The following LRRFIP2 variants were observed in gnomAD, a reference collection of about 807,000 sequenced individuals.
LRRFIP2 encodes LRR binding FLII interacting protein 2, also known as leucine-rich repeat flightless-interacting protein 2.
Under a neutral mutation model 125.9 loss-of-function variants are expected in LRRFIP2, and 109 were observed. The ratio of observed to expected loss-of-function variants is 0.87; its 90% confidence interval spans 0.74 to 1.01. LRRFIP2 has a LOEUF of 1.01. Among genes scored for constraint, LRRFIP2 ranks in the 50% least tolerant of loss-of-function variants. LRRFIP2 has a pLI of 0.00. For synonymous variants in LRRFIP2, 291 were observed against 293.1 expected, an observed-to-expected ratio of 0.99 and a Z score of 0.07; for missense variants, 850 against 862.3, an observed-to-expected ratio of 0.99 and a Z score of 0.18.
intron 17 of LRRFIP2, among the ~76,000 whole-genome samples, 198 bp downstream of exon 17, chr3:37,094,594 G>A (rs915199691): frequency 6.6e-6 from 1 of 152,114 alleles, no homozygotes; most frequent in Non-Finnish European, 1.5e-5. Context: ...TTACAGGAAA[G>A]AGGACAGAAA....
intron 19 of LRRFIP2, among the ~76,000 whole-genome samples, chr3:37,076,149 G>A (rs1318360718): frequency 6.6e-6 from 1 of 152,114 alleles, no homozygotes; most frequent in Non-Finnish European, 1.5e-5. Context: ...TAACCAAGGA[G>A]TGGGGCAATC....
chr3:37,160,418 T>C (rs1406595634), intron 1 of LRRFIP2, among the ~76,000 whole-genome samples: 1 of 152,026 alleles, frequency 6.6e-6, no homozygotes, highest in Non-Finnish European at 1.5e-5. Context: ...AAAATAACCA[T>C]CATTAATATC....
chr3:37,054,463 G>C lies in LRRFIP2; in HGVS notation c.2003C>G (p.Ala668Gly). 1.2e-6 allele frequency: 2 copies of C among 1,613,970 alleles called. No homozygotes were observed. Among genetic ancestry groups the C allele is most frequent in the Non-Finnish European group, 1.7e-6 (2 of 1,179,938 alleles). Residue 668 changes from alanine (A) to glycine (G), a missense_variant, in exon 27 of 28, where the codon GCT (alanine) becomes GGT (glycine). Coordinates refer to ENST00000336686, the MANE Select transcript of LRRFIP2 (RefSeq NM_006309.4). ...TTTCAATTCATCTTCAACTTTCTCA[G>C]CATTCTCAGCAGCAGTTTTATATCT... ...VLRYKTAAEN[A>G]EKVEDELKAE...
chr3:37,154,719 A>G (rs1363670240), intron 1 of LRRFIP2: 1 of 152,250 alleles, frequency 6.6e-6, no homozygotes, highest in Non-Finnish European at 1.5e-5. Flanking sequence ...CTCATATAAT[A>G]TACGTCTGAA....
chr3:37,124,435 G>A (rs6791473), intron 4 of LRRFIP2, among the ~76,000 whole-genome samples: 1 of 151,972 alleles, frequency 6.6e-6, no homozygotes, highest in African/African-American at 2.4e-5. Context: ...AAAACATTTG[G>A]GTCATTTTTA....
intron 24 of LRRFIP2, among the ~76,000 whole-genome samples, chr3:37,062,126 AG>A (rs999952720): frequency 1.3e-5 from 2 of 152,196 alleles, no homozygotes; most frequent in African/African-American, 4.8e-5. Context: ...AGTAAAATCT[AG>A]CTCTCTACCC....
intron 1 of LRRFIP2, among the ~76,000 whole-genome samples, chr3:37,167,130 G>C (rs1022693413): frequency 8.6e-5 from 13 of 150,604 alleles, no homozygotes; most frequent in African/African-American, 3.2e-4. Flanking sequence ...CCAGGAGGTC[G>C]AGGCTGCAGT....
chr3:37,053,255 T>G lies in LRRFIP2; in HGVS notation c.*596A>C, dbSNP rs2085956218. On this transcript the variant is annotated 3_prime_UTR_variant, in exon 28 of 28. Coordinates refer to ENST00000336686, the MANE Select transcript of LRRFIP2 (RefSeq NM_006309.4). ...AAGTTTTATATACACTCCCCATATT[T>G]TTTTCTAACATTTTCTTATATAAAT... 6.5e-6 allele frequency: 1 copy of G among 152,846 alleles called. No homozygotes were observed. The highest frequency in any genetic ancestry group is 6.5e-5 in the Admixed American group (1 of 15,310). 9.5% of individuals were successfully genotyped at this position (152,846 alleles called of 1,614,324 possible). A position where few individuals can be genotyped will look rare whatever the true frequency, so the allele number is the denominator to read the frequency against.
intron 2 of LRRFIP2, among the ~76,000 whole-genome samples, chr3:37,148,062 A>G (rs540635422): frequency 1.3e-5 from 2 of 152,226 alleles, no homozygotes; most frequent in Admixed American, 6.5e-5. Flanking sequence ...CAACATTTAC[A>G]TACCACGTCT....
chr3:37,108,079 A>G lies in LRRFIP2; in HGVS notation c.708T>C (p.Ser236=), dbSNP rs1576709758. ...CAGAGACTAGACAGCTCACCCCTGG[A>G]CTGCTTCGGGCTGAACTTATTCTTG... The part of the protein sequence containing the change: ...YSSRISSARS[S]PGFTNDDTAS... The change falls in exon 13 of 28, where the codon AGT becomes AGC. Residue 236 remains serine (S), a synonymous_variant. Transcript: ENST00000336686. The G allele has an allele frequency of 6.2e-7, 1 of 1,613,800 alleles. No homozygotes were observed. Among genetic ancestry groups the G allele is most frequent in the Non-Finnish European group, 8.5e-7 (1 of 1,179,740 alleles).
chr3:37,163,152 C>G (rs1302360522), intron 1 of LRRFIP2, among the ~76,000 whole-genome samples: 1 of 152,174 alleles, frequency 6.6e-6, no homozygotes, highest in Non-Finnish European at 1.5e-5. Flanking sequence ...CAAAAAAGAT[C>G]AAGGAAGACT....
intron 4 of LRRFIP2, among the ~76,000 whole-genome samples, chr3:37,125,833 C>G (rs1293013828): frequency 1.3e-5 from 2 of 152,250 alleles, no homozygotes; most frequent in African/African-American, 4.8e-5. Context: ...TAAACATTAG[C>G]CATTTATATT....
intron 2 of LRRFIP2, among the ~76,000 whole-genome samples, chr3:37,132,567 G>C (rs1327384195): frequency 6.6e-6 from 1 of 152,120 alleles, no homozygotes; most frequent in Non-Finnish European, 1.5e-5. Flanking sequence ...GTTGAAGAGA[G>C]GCCATTAAAA....
chr3:37,058,075 G>A (rs3774326), intron 25 of LRRFIP2, among the ~76,000 whole-genome samples: 53,409 of 151,980 alleles, frequency 0.35, 10,547 homozygotes, highest in Non-Finnish European at 0.45. Flanking sequence ...AAATAGATTC[G>A]TCCAATTATC....
chr3:37,144,463 C>T (rs2095805642), intron 2 of LRRFIP2, among the ~76,000 whole-genome samples: 1 of 152,008 alleles, frequency 6.6e-6, no homozygotes, highest in South Asian at 2.1e-4. Flanking sequence ...AAAAACAAGC[C>T]AGGCATGGTA....
At position 37,095,437 on chromosome 3, in the gene LRRFIP2, C is replaced by T. The variant is rs142018223; in HGVS notation, c.919-529G>A. On this transcript the variant is annotated intron_variant, in intron 16 of 27. Transcript: ENST00000336686. ...CTGTTCTTCCCAAAATTCATTTAAA[C>T]GTGAGATTATGCTATTGATTAATAA... Among the ~76,000 whole-genome samples, 459 of 152,172 alleles carry T rather than the reference C, an allele frequency of 3.0e-3. 7 individuals are homozygous for T. The highest frequency in any genetic ancestry group is 2.3e-3 in the East Asian group (12 of 5,178).
intron 2 of LRRFIP2, among the ~76,000 whole-genome samples, chr3:37,131,545 T>C (rs2095428423): frequency 1.3e-5 from 2 of 152,216 alleles, no homozygotes; most frequent in African/African-American, 4.8e-5. Context: ...CTGCTTTCTA[T>C]ATGGTAGTGG....
chr3:37,063,830 T>C (rs1229087091), intron 23 of LRRFIP2, 39 bp from the exon 24 acceptor site: 1 of 1,467,652 alleles, frequency 6.8e-7, no homozygotes, highest in South Asian at 1.1e-5. Context: ...AAATATGTGA[T>C]GATATAGTAC....
At chr3:37,103,583 G>C (rs2094178455) in intron 14 of LRRFIP2, among the ~76,000 whole-genome samples, 2 of 152,002 alleles carry the variant, frequency 1.3e-5, no homozygotes, top group African/African-American at 4.8e-5. Context: ...CTCACCTTAG[G>C]CCTTGGCACT....
Sources: allele counts gnomAD v4.1 joint callset (sites outside exome capture counted in the v4.1 genomes callset), GRCh38; gene constraint gnomAD v4.1.1; transcripts MANE v1.5; gene names NCBI Gene and HGNC (gene_info 2026-07-23, HGNC 2026-07-21).